CFAP92: variants seen among roughly 807,000 people sequenced by gnomAD.
The protein encoded by CFAP92 is cilia and flagella associated protein 92 (putative).
CFAP92 carries 86 observed loss-of-function variants against 106.3 expected under a neutral mutation model. The observed-to-expected ratio is 0.81, with a 90% CI of 0.68 to 0.97. The LOEUF (loss-of-function observed/expected upper bound fraction) is 0.97. Among genes scored for constraint, CFAP92 ranks in the 50% least tolerant of loss-of-function variants. The pLI is 0.00. For synonymous variants in CFAP92, 477 were observed against 506.4 expected (o/e 0.94, Z 0.78); for missense variants, 1,204 against 1,283.8 (o/e 0.94, Z 0.95).
At chr3:128,913,100 A>G (rs1485920096) in intron 15 of CFAP92, 3 of 451,714 alleles carry the variant, frequency 6.6e-6, no homozygotes, top group Non-Finnish European at 1.3e-5. Context: ...AAATGTCACA[A>G]TCTGTGTACT....
upstream of CFAP92, chr3:129,003,733 G>C: frequency 7.8e-7 from 1 of 1,288,324 alleles, no homozygotes. Context: ...CGTGGCGGGC[G>C]TTCGTCTGGT....
chr3:128,912,604 C>G, intron 15 of CFAP92: 1 of 1,613,918 alleles, frequency 6.2e-7, no homozygotes, highest in Non-Finnish European at 8.5e-7. Flanking sequence ...ACAGGACATG[C>G]TGAGGCAGGG....
intron 9 of CFAP92, among the ~76,000 whole-genome samples, chr3:128,962,647 A>G (rs1446772663): frequency 6.6e-6 from 1 of 151,916 alleles, no homozygotes; most frequent in South Asian, 2.1e-4. Context: ...ACCCCTTACC[A>G]TCTCATTAAA....
chr3:128,926,792 C>G (rs1170984350), intron 12 of CFAP92, among the ~76,000 whole-genome samples: 1 of 151,998 alleles, frequency 6.6e-6, no homozygotes, highest in African/African-American at 2.4e-5. Context: ...GGATTAGTGT[C>G]TTTGCAAGAA....
the CFAP92 span, among the ~76,000 whole-genome samples, chr3:129,026,742 TACTG>T: frequency 2.0e-5 from 3 of 152,142 alleles, no homozygotes; most frequent in Non-Finnish European, 4.4e-5. Flanking sequence ...AGTAGGGAGA[TACTG>T]GCACCTCCCC....
intron 2 of CFAP92, chr3:128,991,908 C>G: frequency 1.0e-6 from 1 of 984,822 alleles, no homozygotes; most frequent in Non-Finnish European, 1.2e-6. Flanking sequence ...CTCCTCCCCT[C>G]ATATTGGGCT....
intron 10 of CFAP92, 68 bp from the exon 11 acceptor site, chr3:128,935,387 G>A (rs573708282): frequency 1.6e-5 from 18 of 1,095,134 alleles, no homozygotes; most frequent in Admixed American, 1.0e-4. Flanking sequence ...GTGAGGGTGC[G>A]CTGTCAGGTA....
At chr3:128,925,967 A>T (rs1434413736) in intron 12 of CFAP92, among the ~76,000 whole-genome samples, 1 of 152,218 alleles carries the variant, frequency 6.6e-6, no homozygotes, top group African/African-American at 2.4e-5. Flanking sequence ...ATCACAGAAA[A>T]ATTAACTGAT....
chr3:128,956,184 T>TAAAAA (rs369899266), intron 9 of CFAP92, among the ~76,000 whole-genome samples: 7 of 49,280 alleles, frequency 1.4e-4, no homozygotes, highest in African/African-American at 4.9e-4. Context: ...AAAAATAAAT[T>TAAAAA]AAAAAAAAAA....
At chr3:129,002,625 G>A in exon 1 of CFAP92, 2 of 447,958 alleles carry the variant, frequency 4.5e-6, no homozygotes, top group Non-Finnish European at 7.7e-6. Context: ...CTTTAACCTA[G>A]GAATTGCACC....
intron 12 of CFAP92, among the ~76,000 whole-genome samples, chr3:128,929,841 GTGA>G (rs1436841552): frequency 6.6e-6 from 1 of 152,186 alleles, no homozygotes; most frequent in East Asian, 1.9e-4. Flanking sequence ...AAACTGGATT[GTGA>G]TGATGGTGTT....
intron 9 of CFAP92, among the ~76,000 whole-genome samples, chr3:128,947,416 A>G (rs922683810): frequency 1.3e-5 from 2 of 152,236 alleles, no homozygotes; most frequent in African/African-American, 4.8e-5. Flanking sequence ...AAATTTGTAT[A>G]GAAGAGCCAG....
At chr3:128,986,772 AC>A (rs1305445138) in intron 4 of CFAP92, among the ~76,000 whole-genome samples, 1 of 152,214 alleles carries the variant, frequency 6.6e-6, no homozygotes, top group Non-Finnish European at 1.5e-5. Context: ...ACCAACAAGT[AC>A]AAGATGGAGA....
At chr3:128,931,509 A>T (rs62265285) in intron 12 of CFAP92, among the ~76,000 whole-genome samples, 5 of 122,646 alleles carry the variant, frequency 4.1e-5, no homozygotes, top group African/African-American at 1.7e-4. Context: ...GTATATATGT[A>T]TATATATGTA....
At chr3:128,964,988 A>G (rs1942262262) in intron 9 of CFAP92, among the ~76,000 whole-genome samples, 1 of 152,270 alleles carries the variant, frequency 6.6e-6, no homozygotes, top group Non-Finnish European at 1.5e-5. Context: ...AGGCCAGGCC[A>G]TCACATCCCC....
At chr3:128,911,213 C>T (rs1017438287) in intron 15 of CFAP92, among the ~76,000 whole-genome samples, 1 of 152,070 alleles carries the variant, frequency 6.6e-6, no homozygotes, top group East Asian at 1.9e-4. Flanking sequence ...CACGCCACCA[C>T]GCCCGGCTAA....
In CFAP92 at chr3:128,916,217, T is replaced by G; in HGVS notation, c.2806A>C (p.Lys936Gln). 8.9e-6 allele frequency: 11 copies of G among 1,232,096 alleles called. No individual in the cohort carries two copies. The highest frequency in any genetic ancestry group is 1.1e-5 in the Non-Finnish European group (11 of 987,984). The allele number at this position is 1,232,096 out of a possible 1,614,324, so 76.3% of individuals were successfully genotyped here. ...VSKKPPKSVA[K>Q]VIKISAPANK... ...GCAGGGGCTGAAATTTTAATCACCT[T>G]CGCCACGGACTTCGGAGGCTTCTTG... Residue 936 changes from lysine to glutamine, a missense_variant, in exon 13 of 16, where the codon AAG (lysine) becomes CAG (glutamine). By Grantham distance (53) the Lys-to-Gln change is moderately conservative. Coordinates refer to ENST00000645291, the MANE Select transcript of CFAP92 (RefSeq NM_001394090.1).
rs900778286 is a variant in CFAP92, at chr3:128,945,810, T to C, written c.1519A>G (p.Met507Val). ...DLREYLEGPP[M>V]VVEVHDRDRK... ...TCCCGGTCGTGAACTTCCACCACCA[T>C]GGGGGGGCCCTCCAGGTATTCCCTT... The change falls in exon 10 of 16, where the codon ATG becomes GTG. Residue 507 changes from methionine (M) to valine (V), a missense_variant. Transcript: ENST00000645291. The C allele has an allele frequency of 9.8e-6, 15 of 1,523,602 alleles. No homozygotes were observed. Among genetic ancestry groups the C allele is most frequent in the African/African-American group, 2.8e-5 (2 of 72,666 alleles). The allele number at this position is 1,523,602 out of a possible 1,614,324, so 94.4% of individuals were successfully genotyped here. A position where few individuals can be genotyped will look rare whatever the true frequency, so the allele number is the denominator to read the frequency against.
chr3:129,002,439 G>A (rs1391354026), intron 1 of CFAP92: 1 of 1,401,522 alleles, frequency 7.1e-7, no homozygotes, highest in Non-Finnish European at 9.2e-7. Flanking sequence ...ACAGAGGGCA[G>A]CCCCACACCA....
Sources: allele counts gnomAD v4.1 joint callset (sites outside exome capture counted in the v4.1 genomes callset), GRCh38; gene constraint gnomAD v4.1.1; transcripts MANE v1.5; gene names NCBI Gene and HGNC (gene_info 2026-07-23, HGNC 2026-07-21).